NAALADL2: variants seen among roughly 807,000 people sequenced by gnomAD.
The protein encoded by NAALADL2 is N-acetylated alpha-linked acidic dipeptidase like 2.
Under a neutral mutation model 87.2 loss-of-function variants are expected in NAALADL2, and 76 were observed. The observed-to-expected ratio is 0.87, with a 90% CI of 0.72 to 1.05. NAALADL2 has a LOEUF of 1.05. Among genes scored for constraint, NAALADL2 ranks in the 50% least tolerant of loss-of-function variants. NAALADL2 has a pLI of 0.00. For synonymous variants in NAALADL2, 354 were observed against 331.0 expected (o/e 1.07, Z -0.75); for missense variants, 1,089 against 945.8 (o/e 1.15, Z -1.99).
intron 1 of NAALADL2, among the ~76,000 whole-genome samples, chr3:174,964,194 A>G (rs1436942819): frequency 6.6e-6 from 1 of 152,124 alleles, no homozygotes; most frequent in Non-Finnish European, 1.5e-5. Context: ...GCACCATTTA[A>G]AGCACATAAT....
intron 11 of NAALADL2, among the ~76,000 whole-genome samples, chr3:175,710,717 G>C (rs1383339456): frequency 6.6e-6 from 1 of 150,480 alleles, no homozygotes; most frequent in Non-Finnish European, 1.5e-5. Flanking sequence ...TACATAGAAA[G>C]ACATATGTAC....
At chr3:175,453,998 T>C (rs865898038) in intron 6 of NAALADL2, among the ~76,000 whole-genome samples, 1 of 152,208 alleles carries the variant, frequency 6.6e-6, no homozygotes, top group Middle Eastern at 3.4e-3. Context: ...GTAATTCTTG[T>C]TTTGAGTATT....
At position 174,859,340 on chromosome 3, in the gene NAALADL2, T is replaced by A; in HGVS notation, c.-68T>A. On this transcript the variant is annotated 5_prime_UTR_variant, in exon 1 of 14. Transcript: ENST00000454872. ...AATACTACAGTAGAAAGTCAGAAGGTCACAAAGCTTGCAGGGTAAGTGACA... is the reference window on the plus strand; with the variant it reads ...AATACTACAGTAGAAAGTCAGAAGGACACAAAGCTTGCAGGGTAAGTGACA... 8.5e-7 allele frequency: 1 copy of A among 1,181,056 alleles called. No individual in the cohort carries two copies. Among genetic ancestry groups the A allele is most frequent in the African/African-American group, 1.5e-5 (1 of 66,306 alleles). 73.2% of individuals were successfully genotyped at this position (1,181,056 alleles called of 1,614,324 possible). A position where few individuals can be genotyped will look rare whatever the true frequency, so the allele number is the denominator to read the frequency against.
At chr3:175,324,089 T>C in intron 4 of NAALADL2, 86 bp from the exon 5 acceptor site, 2 of 944,906 alleles carry the variant, frequency 2.1e-6, no homozygotes. Flanking sequence ...AAGAGTCATC[T>C]TATCATAGCC....
chr3:174,453,510 A>G (rs1053905021), intron 1 of NAALADL2, among the ~76,000 whole-genome samples: 18 of 152,204 alleles, frequency 1.2e-4, no homozygotes, highest in African/African-American at 4.1e-4. Context: ...TGTTAAAGGC[A>G]GCTAGAGAGA....
chr3:175,686,395 C>T (rs963632301), intron 11 of NAALADL2, among the ~76,000 whole-genome samples: 3 of 151,978 alleles, frequency 2.0e-5, no homozygotes. Context: ...GTGTCTTTTT[C>T]AATTGGACAT....
chr3:174,735,322 C>A (rs1305498951), intron 2 of NAALADL2, among the ~76,000 whole-genome samples: 1 of 152,138 alleles, frequency 6.6e-6, no homozygotes, highest in Non-Finnish European at 1.5e-5. Flanking sequence ...ACATTACATA[C>A]CATGTCTCTA....
chr3:175,769,916 G>T (rs1459236436), intron 13 of NAALADL2, among the ~76,000 whole-genome samples: 2 of 152,108 alleles, frequency 1.3e-5, no homozygotes, highest in Non-Finnish European at 2.9e-5. Context: ...TATAAATTTA[G>T]TTAGAATTTC....
At chr3:175,076,264 T>G (rs1716573117) in intron 1 of NAALADL2, among the ~76,000 whole-genome samples, 1 of 151,220 alleles carries the variant, frequency 6.6e-6, no homozygotes, top group Non-Finnish European at 1.5e-5. Flanking sequence ...TAAGAAAAGA[T>G]TAGATGAGAT....
intron 2 of NAALADL2, among the ~76,000 whole-genome samples, chr3:175,206,209 A>G (rs1740811101): frequency 6.7e-6 from 1 of 148,190 alleles, no homozygotes. Flanking sequence ...ATGCTCATCA[A>G]TCAATGAGAG....
chr3:175,166,760 A>G (rs1288932447), intron 2 of NAALADL2, among the ~76,000 whole-genome samples: 2 of 152,100 alleles, frequency 1.3e-5, no homozygotes, highest in Admixed American at 6.6e-5. Flanking sequence ...TTCAGGTTCT[A>G]TTATCATAAA....
In NAALADL2 at chr3:174,804,743, A is replaced by G. The variant is rs138260983; in HGVS notation, c.-9+66997A>G. ...CTGTCAGAACATTTTGAATAAATCT[A>G]AAATCTATACAGTAAAAAAGTAGGG... On this transcript the variant is annotated intron_variant, in intron 3 of 3. Transcript: ENST00000434257. Among the ~76,000 whole-genome samples the G allele has an allele frequency of 1.2e-3, 181 of 152,322 alleles. 1 individual carries two copies. In the East Asian group the frequency reaches 0.03, roughly 25 times the overall value.
chr3:174,794,038 G>A (rs1717779171), intron 3 of NAALADL2, among the ~76,000 whole-genome samples: 1 of 152,042 alleles, frequency 6.6e-6, no homozygotes, highest in East Asian at 1.9e-4. Context: ...TACAAGTACA[G>A]TTGCTGAGCA....
chr3:175,357,989 G>C (rs1040339582), intron 5 of NAALADL2, among the ~76,000 whole-genome samples: 8 of 152,108 alleles, frequency 5.3e-5, no homozygotes, highest in Non-Finnish European at 1.2e-4. Flanking sequence ...ACTGGCCCTG[G>C]GGGGCAGCAG....
intron 3 of NAALADL2, among the ~76,000 whole-genome samples, chr3:174,826,129 T>TA (rs1194222150): frequency 6.6e-6 from 1 of 152,206 alleles, no homozygotes; most frequent in African/African-American, 2.4e-5. Context: ...CTCTTTAGTC[T>TA]TTTATGTCAC....
chr3:175,295,876 T>C (rs1316065021), intron 4 of NAALADL2, among the ~76,000 whole-genome samples: 1 of 152,050 alleles, frequency 6.6e-6, no homozygotes, highest in Non-Finnish European at 1.5e-5. Context: ...GTTCCTTGCC[T>C]CATACTTCAT....
At chr3:174,969,238 A>T (rs189079947) in intron 1 of NAALADL2, among the ~76,000 whole-genome samples, 2 of 152,190 alleles carry the variant, frequency 1.3e-5, no homozygotes, top group African/African-American at 4.8e-5. Context: ...TCCATCCTTC[A>T]TGTTATCTTA....
intron 1 of NAALADL2, among the ~76,000 whole-genome samples, chr3:174,991,121 AAAG>A (rs1280118691): frequency 1.3e-5 from 2 of 152,174 alleles, no homozygotes; most frequent in African/African-American, 4.8e-5. Context: ...TTTGTGGCAC[AAAG>A]AAGCACAAAA....
Position 175,665,846 on chromosome 3 carries a change from G to A in NAALADL2, c.1896+38460G>A, listed in dbSNP as rs138239266. Among the ~76,000 whole-genome samples the A allele has an allele frequency of 8.8e-3, 1,334 of 152,036 alleles. 10 individuals carry two copies. The highest frequency in any genetic ancestry group is 0.014 in the Non-Finnish European group (936 of 67,976). On this transcript the variant is annotated intron_variant, in intron 11 of 13. Transcript: ENST00000454872. ...CTAGGGAGGCTGAGGCAGGAGAATCGCTTAAACCCAGGAGGCGGACGTTGC... is the reference window on the plus strand; with the variant it reads ...CTAGGGAGGCTGAGGCAGGAGAATCACTTAAACCCAGGAGGCGGACGTTGC...
Sources: gnomAD v4.1 joint callset for allele counts (sites outside exome capture counted in the v4.1 genomes callset) on GRCh38, gnomAD v4.1.1 for gene constraint, MANE v1.5 for transcripts, NCBI Gene and HGNC (gene_info 2026-07-23, HGNC 2026-07-21) for gene names.